The following USP13 variants were observed in gnomAD, a reference collection of about 807,000 sequenced individuals.
The protein encoded by USP13 is ubiquitin specific peptidase 13.
A neutral mutation model predicts 107.8 loss-of-function variants in USP13; 68 were observed. That is an observed-to-expected ratio of 0.63 (90% CI 0.52 to 0.77). USP13 has a LOEUF of 0.77. USP13 is among the 30% of genes least tolerant of loss of function. USP13 has a pLI of 0.00. For synonymous variants in USP13, 377 were observed against 389.5 expected, an observed-to-expected ratio of 0.97 and a Z score of 0.38; for missense variants, 945 against 1,093.3, an observed-to-expected ratio of 0.86 and a Z score of 1.91.
At chr3:179,712,873 T>TA (rs894807189) in intron 6 of USP13, among the ~76,000 whole-genome samples, 43 of 149,302 alleles carry the variant, frequency 2.9e-4, no homozygotes, top group Admixed American at 6.7e-4. Context: ...TATTAAGACT[T>TA]AAAAAAAAAA....
intron 12 of USP13, 42 bp from the exon 13 acceptor site, chr3:179,745,001 G>A (rs1375755959): frequency 1.9e-6 from 3 of 1,611,616 alleles, no homozygotes; most frequent in East Asian, 2.2e-5. Context: ...TTTCCACAGG[G>A]TAAGAGCGAT....
chr3:179,676,292 A>G (rs1250261509), intron 1 of USP13, among the ~76,000 whole-genome samples: 1 of 152,186 alleles, frequency 6.6e-6, no homozygotes, highest in Non-Finnish European at 1.5e-5. Context: ...GAATGGACTC[A>G]TACACTGTCC....
intron 6 of USP13, among the ~76,000 whole-genome samples, chr3:179,712,953 T>G (rs1712982200): frequency 6.6e-6 from 1 of 152,218 alleles, no homozygotes; most frequent in African/African-American, 2.4e-5. Flanking sequence ...TTAGTATTCT[T>G]GGCCATTTGT....
intron 17 of USP13, 130 bp downstream of exon 17, chr3:179,761,385 T>C (rs2108535049): frequency 5.9e-6 from 7 of 1,187,048 alleles, no homozygotes; most frequent in Non-Finnish European, 6.9e-6. Flanking sequence ...TCTCCTGCAG[T>C]GGAGGAGAAA....
At chr3:179,662,180 TG>T (rs1225089024) in intron 1 of USP13, among the ~76,000 whole-genome samples, 1 of 151,036 alleles carries the variant, frequency 6.6e-6, no homozygotes, top group East Asian at 2.0e-4. Context: ...ATGTTCGTGA[TG>T]GTGCCTCTAT....
chr3:179,764,020 C>G lies in USP13; in HGVS notation c.2111C>G (p.Thr704Ser). ...TTCTCAGATTTTGCTGAGCCGCTGA[C>G]CATGCCTGGTTATGGAGGGGCAGCT... The part of the protein sequence containing the change: ...MEEPDFAEPL[T>S]MPGYGGAASA... Residue 704 changes from threonine to serine, a missense_variant, in exon 18 of 21, where the codon ACC becomes AGC. Physicochemically the swap from Thr to Ser is moderately conservative, Grantham distance 58. Transcript: ENST00000263966. The G allele has an allele frequency of 6.2e-7, 1 of 1,612,882 alleles. No individual in the cohort carries two copies. The highest frequency in any genetic ancestry group is 8.5e-7 in the Non-Finnish European group (1 of 1,179,662).
Position 179,684,202 on chromosome 3 carries a change from G to A in USP13, c.294+2199G>A, listed in dbSNP as rs141732426. On this transcript the variant is annotated intron_variant, in intron 2 of 20. Coordinates refer to ENST00000263966, the MANE Select transcript of USP13 (RefSeq NM_003940.3). ...TCTCGCTATCTCGACCTCATGATCCGCCCCCTTCGGCCTCCCAAAGTGCTG... is the reference window on the plus strand; with the variant it reads ...TCTCGCTATCTCGACCTCATGATCCACCCCCTTCGGCCTCCCAAAGTGCTG... 1.7e-4 allele frequency among the ~76,000 whole-genome samples: 25 copies of A among 150,036 alleles called. No individual in the cohort carries two copies. In the South Asian group the frequency reaches 3.2e-3, roughly 19 times the overall value.
intron 1 of USP13, among the ~76,000 whole-genome samples, chr3:179,654,431 C>T (rs1369994233): frequency 1.3e-5 from 2 of 152,102 alleles, no homozygotes; most frequent in African/African-American, 2.4e-5. Flanking sequence ...GAGGGATCGC[C>T]GCCTTCCACC....
chr3:179,683,593 C>T (rs1451810927), intron 2 of USP13, among the ~76,000 whole-genome samples: 1 of 152,144 alleles, frequency 6.6e-6, no homozygotes, highest in Non-Finnish European at 1.5e-5. Flanking sequence ...ATTTTTAAAA[C>T]CATCAGATCT....
intron 4 of USP13, among the ~76,000 whole-genome samples, chr3:179,703,971 A>T (rs1181053495): frequency 6.6e-6 from 1 of 152,214 alleles, no homozygotes; most frequent in Non-Finnish European, 1.5e-5. Context: ...AGTTTGAGCC[A>T]GTTCCAGTGC....
rs142840290 is a variant in USP13, at chr3:179,736,379, G to A, written c.1255-3868G>A. 2.7e-3 allele frequency among the ~76,000 whole-genome samples: 415 copies of A among 152,268 alleles called. 2 individuals are homozygous for A. Among genetic ancestry groups the A allele is most frequent in the African/African-American group, 9.6e-3 (399 of 41,554 alleles). On this transcript the variant is annotated intron_variant, in intron 10 of 20. Transcript: ENST00000263966. Reference sequence around the variant, plus strand: ...AGTGAGCATATTAATAGTTGACCACGGGAATTAGTAAGACGTCCCCTCTGA... The same window carrying A: ...AGTGAGCATATTAATAGTTGACCACAGGAATTAGTAAGACGTCCCCTCTGA...
chr3:179,781,930 T>C (rs2108558043), intron 20 of USP13, 107 bp downstream of exon 20: 2 of 1,033,044 alleles, frequency 1.9e-6, no homozygotes, highest in South Asian at 1.5e-5. Flanking sequence ...GGTTCTCACA[T>C]TGGTCTTGTA....
chr3:179,687,659 C>CAAAAAAAAAAAAAAA (rs71182509), intron 2 of USP13, among the ~76,000 whole-genome samples: 1,334 of 18,478 alleles, frequency 0.072, 417 homozygotes, highest in Non-Finnish European at 0.12. Flanking sequence ...AACTCTGTCT[C>CAAAAAAAAAAAAAAA]AAAAAAAAAA....
chr3:179,721,933 G>A lies in USP13; in HGVS notation c.1088+344G>A, dbSNP rs1176670525. Among the ~76,000 whole-genome samples the A allele has an allele frequency of 6.6e-6, 1 of 151,976 alleles. No homozygotes were observed. The highest frequency in any genetic ancestry group is 1.5e-5 in the Non-Finnish European group (1 of 68,006). ...AAAATACAAAAATTAGCCAGGGGTG[G>A]TGGTGCACGCCTGTAATTCCAGCTA... On this transcript the variant is annotated intron_variant, in intron 8 of 20. Transcript: ENST00000263966. The surrounding 1 kb of genome is among the most constrained non-coding windows in gnomAD (Gnocchi z 4.3).
chr3:179,741,217 TTTTG>T (rs965258134), intron 11 of USP13, among the ~76,000 whole-genome samples: 7 of 151,474 alleles, frequency 4.6e-5, no homozygotes, highest in African/African-American at 9.7e-5. Flanking sequence ...GTTTGTTTGT[TTTTG>T]TTTGTTTGTT....
chr3:179,743,169 G>A (rs768995471), intron 12 of USP13, among the ~76,000 whole-genome samples: 15 of 151,964 alleles, frequency 9.9e-5, no homozygotes, highest in Non-Finnish European at 1.5e-4. Context: ...ACCAAACACC[G>A]CATATTCTCA....
Position 179,722,149 on chromosome 3 carries a change from A to G in USP13, c.1088+560A>G, listed in dbSNP as rs1348394178. 2.0e-5 allele frequency among the ~76,000 whole-genome samples: 3 copies of G among 152,026 alleles called. No homozygotes were observed. In the East Asian group the frequency reaches 5.8e-4, roughly 29 times the overall value. ...TAGTAATGGTTTCTGCTTTTTGACC[A>G]TCACCCTATGTACCAAGAATATATT... On this transcript the variant is annotated intron_variant, in intron 8 of 20. Transcript: ENST00000263966.
intron 1 of USP13, among the ~76,000 whole-genome samples, chr3:179,675,697 T>G (rs4854946): frequency 0.91 from 137,657 of 151,852 alleles, 62,525 homozygotes; most frequent in African/African-American, 0.95. Context: ...AGAAGCGTGT[T>G]CCGCCACGCC....
intron 10 of USP13, among the ~76,000 whole-genome samples, chr3:179,735,128 C>A (rs1713948955): frequency 6.6e-6 from 1 of 152,182 alleles, no homozygotes; most frequent in Non-Finnish European, 1.5e-5. Context: ...ATTTTGGTGA[C>A]TTCCTGGGTC....
Sources: gnomAD v4.1 joint callset for allele counts (sites outside exome capture counted in the v4.1 genomes callset) on GRCh38, gnomAD v4.1.1 for gene constraint, Gnocchi (gnomAD v3.1) non-coding constraint, MANE v1.5 for transcripts, NCBI Gene and HGNC (gene_info 2026-07-23, HGNC 2026-07-21) for gene names.